The following CDH3 variants were observed in gnomAD, a reference collection of about 807,000 sequenced individuals.
CDH3 encodes the protein cadherin-3.
A neutral mutation model predicts 82.0 loss-of-function variants in CDH3; 54 were observed. That is an observed-to-expected ratio of 0.66 (90% CI 0.53 to 0.83). The LOEUF is 0.83. Among genes scored for constraint, CDH3 ranks in the 40% least tolerant of loss-of-function variants. The pLI, the probability that CDH3 is intolerant of heterozygous loss-of-function variation, is 0.00. For synonymous variants in CDH3, 446 were observed against 437.9 expected, an observed-to-expected ratio of 1.02 and a Z score of -0.23; for missense variants, 1,054 against 1,084.6, an observed-to-expected ratio of 0.97 and a Z score of 0.40.
rs1271593054 is a variant in CDH3, at chr16:68,699,035, C to T, written c.*635C>T. On this transcript the variant is annotated 3_prime_UTR_variant, in exon 16 of 16. Coordinates refer to ENST00000264012, the MANE Select transcript of CDH3 (RefSeq NM_001793.6). ...AACTTTTTTATTAAAGAAACTTTTCCCAGAGGTGCCTGGGGAGTGAACTGT... is the reference window on the plus strand; with the variant it reads ...AACTTTTTTATTAAAGAAACTTTTCTCAGAGGTGCCTGGGGAGTGAACTGT... 6.6e-6 allele frequency: 1 copy of T among 152,326 alleles called. No individual in the cohort carries two copies. The highest frequency in any genetic ancestry group is 1.5e-5 in the Non-Finnish European group (1 of 68,112). 9.4% of individuals were successfully genotyped at this position (152,326 alleles called of 1,614,324 possible). A position where few individuals can be genotyped will look rare whatever the true frequency, so the allele number is the denominator to read the frequency against.
chr16:68,662,060 G>C (rs929980182), intron 2 of CDH3, among the ~76,000 whole-genome samples: 1 of 152,188 alleles, frequency 6.6e-6, no homozygotes, highest in African/African-American at 2.4e-5. Context: ...AAGCCAGAAG[G>C]GTTTTTCACT....
In CDH3 at chr16:68,685,299, C is replaced by T. The variant is rs1961376390; in HGVS notation, c.1519C>T (p.Gln507Ter). Reference protein sequence around the residue: ...AVGTLDREDEQFVRNNIYEVM... With the variant: ...AVGTLDREDE The stretch of plus-strand genomic sequence containing the variant: ...GGGCACCCTCGACCGTGAGGATGAG[C>T]AGTTTGTGAGGAACAACATCTATGA... The change falls in exon 11 of 16, where the codon CAG becomes TAG. Residue 507 changes from glutamine (Q) to a stop codon, truncating the protein, a stop_gained. Coordinates refer to ENST00000264012, the MANE Select transcript of CDH3 (RefSeq NM_001793.6). LOFTEE classifies it high-confidence loss of function. The T allele has an allele frequency of 1.9e-6, 3 of 1,614,136 alleles. No homozygotes were observed. The highest frequency in any genetic ancestry group is 2.2e-5 in the South Asian group (2 of 91,080).
In CDH3 at chr16:68,698,449, T is replaced by G; in HGVS notation, c.*49T>G. The G allele has an allele frequency of 6.5e-7, 1 of 1,546,556 alleles. No homozygotes were observed. Among genetic ancestry groups the G allele is most frequent in the Non-Finnish European group, 8.9e-7 (1 of 1,120,142 alleles). ...ACCAAACGTCAGGCCACAGAGCATC[T>G]CCAAGGGGTCTCAGTTCCCCCTTCA... On this transcript the variant is annotated 3_prime_UTR_variant, in exon 16 of 16. Transcript: ENST00000264012.
intron 2 of CDH3, among the ~76,000 whole-genome samples, chr16:68,665,432 C>G (rs1409242207): frequency 6.6e-6 from 1 of 152,026 alleles, no homozygotes; most frequent in African/African-American, 2.4e-5. Flanking sequence ...ATATAAAGCA[C>G]AACACATCAT....
rs1420432341 is a variant in CDH3 at position 68,707,499 on chromosome 16, C to T, written c.99+11576C>T. On this transcript the variant is annotated intron_variant, in intron 1 of 2. Coordinates refer to the CDH3 transcript ENST00000569080. The surrounding 1 kb of genome is among the most constrained non-coding windows in gnomAD (Gnocchi z 4.5). ...TGTGGGCAGCTGCAGAGCTGGCAGG[C>T]GGGAGCTAGGAGATTCCTCTCTCGG... 2.0e-5 allele frequency among the ~76,000 whole-genome samples: 3 copies of T among 152,034 alleles called. No individual in the cohort carries two copies. In the East Asian group the frequency reaches 5.8e-4, roughly 29 times the overall value.
intron 2 of CDH3, among the ~76,000 whole-genome samples, chr16:68,672,527 G>C (rs1960914782): frequency 6.6e-6 from 1 of 152,172 alleles, no homozygotes; most frequent in Non-Finnish European, 1.5e-5. Flanking sequence ...GAGGACAGAA[G>C]ATGAGTCTAC....
rs1290586118 is a variant in CDH3 at position 68,699,111 on chromosome 16, C to T, written c.*711C>T. 1 of 152,294 alleles carries T rather than the reference C, an allele frequency of 6.6e-6. No individual in the cohort carries two copies. The highest frequency in any genetic ancestry group is 1.5e-5 in the Non-Finnish European group (1 of 68,052). The allele number at this position is 152,294 out of a possible 1,614,324, so 9.4% of individuals were successfully genotyped here. On this transcript the variant is annotated 3_prime_UTR_variant, in exon 16 of 16. Transcript: ENST00000264012. ...TCTAACTCACATACCATACCATTCA[C>T]TTGTTTAACGTTTACAATTCAATGG...
Position 68,698,748 on chromosome 16 carries a change from A to C in CDH3, c.*348A>C. On this transcript the variant is annotated 3_prime_UTR_variant, in exon 16 of 16. Coordinates refer to ENST00000264012, the MANE Select transcript of CDH3 (RefSeq NM_001793.6). ...CAGTGGACTTTCTCTCTGGAATGGA[A>C]CCTTCTTAGGCCTCCTGGTGCAACT... 1 of 272,210 alleles carries C rather than the reference A, an allele frequency of 3.7e-6. No individual in the cohort carries two copies. The highest frequency in any genetic ancestry group is 7.3e-5 in the South Asian group (1 of 13,654). The allele number at this position is 272,210 out of a possible 1,614,324, so 16.9% of individuals were successfully genotyped here. A position where few individuals can be genotyped will look rare whatever the true frequency, so the allele number is the denominator to read the frequency against.
intron 2 of CDH3, chr16:68,651,509 C>T (rs1960246955): frequency 2.0e-6 from 1 of 496,332 alleles, no homozygotes; most frequent in Non-Finnish European, 4.0e-6. Context: ...TTTGCTCCTG[C>T]TTCTTTGAGT....
chr16:68,662,114 G>A (rs1484681466), intron 2 of CDH3, among the ~76,000 whole-genome samples: 1 of 152,180 alleles, frequency 6.6e-6, no homozygotes, highest in Non-Finnish European at 1.5e-5. Flanking sequence ...AAATTTCCCT[G>A]AAAAAGTAAC....
intron 11 of CDH3, among the ~76,000 whole-genome samples, 155 bp from the exon 12 acceptor site, chr16:68,687,357 A>C (rs1218050894): frequency 1.3e-5 from 2 of 152,166 alleles, no homozygotes; most frequent in African/African-American, 4.8e-5. Context: ...GACAGAAATG[A>C]GAATGATGGC....
At position 68,695,768 on chromosome 16, in the gene CDH3, T is replaced by A; in HGVS notation, c.2134-9T>A. 1 of 1,613,932 alleles carries A rather than the reference T, an allele frequency of 6.2e-7. No individual in the cohort carries two copies. Among genetic ancestry groups the A allele is most frequent in the South Asian group, 1.1e-5 (1 of 91,070 alleles). ...CCTCAGTCACCTGCTCTCCTGCATT[T>A]CCCCACAGGACTATGACATCACCCA... On this transcript the variant is annotated splice_polypyrimidine_tract_variant and intron_variant, in intron 14 of 15. Coordinates refer to ENST00000264012, the MANE Select transcript of CDH3 (RefSeq NM_001793.6).
chr16:68,661,597 CCTA>C (rs755168070), intron 2 of CDH3, among the ~76,000 whole-genome samples: 9 of 152,192 alleles, frequency 5.9e-5, no homozygotes, highest in Non-Finnish European at 8.8e-5. Context: ...TTATCAAACA[CCTA>C]CTTTGTACTG....
chr16:68,648,919 A>G (rs1960160161), intron 2 of CDH3, among the ~76,000 whole-genome samples: 1 of 150,976 alleles, frequency 6.6e-6, no homozygotes, highest in Non-Finnish European at 1.5e-5. Context: ...ATGTAGAGGA[A>G]ACTGGTTTGG....
Position 68,707,592 on chromosome 16 carries a change from A to C in CDH3, c.99+11669A>C, listed in dbSNP as rs901706663. The stretch of plus-strand genomic sequence containing the variant: ...GGCGGTGGCTAAGACAGCAGCCCCT[A>C]AAGGCTGCAGATGTGGGAGTGACTC... On this transcript the variant is annotated intron_variant, in intron 1 of 2. Coordinates refer to the CDH3 transcript ENST00000569080. The surrounding 1 kb of genome is among the most constrained non-coding windows in gnomAD (Gnocchi z 4.5). Among the ~76,000 whole-genome samples, 2 of 152,112 alleles carry C rather than the reference A, an allele frequency of 1.3e-5. No homozygotes were observed. The highest frequency in any genetic ancestry group is 4.8e-5 in the African/African-American group (2 of 41,420).
Position 68,680,998 on chromosome 16 carries a change from G to T in CDH3, c.898G>T (p.Ala300Ser). Residue 300 changes from alanine to serine, a missense_variant, in exon 8 of 16, where the codon GCC (alanine) becomes TCC (serine). Physicochemically the swap from Ala to Ser is moderately conservative, Grantham distance 99. Transcript: ENST00000264012. ...KVPEYTLTIQ[A>S]TDMDGDGSTT... Reference sequence around the variant, plus strand: ...CCCTGAGTACACACTGACCATCCAGGCCACAGACATGGATGGGGACGGCTC... The same window carrying T: ...CCCTGAGTACACACTGACCATCCAGTCCACAGACATGGATGGGGACGGCTC... The T allele has an allele frequency of 6.2e-7, 1 of 1,614,066 alleles. No homozygotes were observed. Among genetic ancestry groups the T allele is most frequent in the Non-Finnish European group, 8.5e-7 (1 of 1,180,008 alleles).
chr16:68,713,642 T>G (rs1366051484), intron 1 of CDH3, among the ~76,000 whole-genome samples: 1 of 152,096 alleles, frequency 6.6e-6, no homozygotes, highest in African/African-American at 2.4e-5. Context: ...CTTCTCTGCT[T>G]AAACACTTCC....
rs199986517 is a variant in CDH3 at position 68,682,426 on chromosome 16, G to C, written c.1121G>C (p.Gly374Ala). The change falls in exon 9 of 16, where the codon GGG becomes GCG. Residue 374 changes from glycine (G) to alanine (A), a missense_variant. By Grantham distance (60) the Gly-to-Ala change is moderately conservative (BLOSUM62 0). Coordinates refer to ENST00000264012, the MANE Select transcript of CDH3 (RefSeq NM_001793.6). ...TACCTTATCATGGGCGGTGACGACGGGGACCATTTTACCATCACCACCCAC... is the reference window on the plus strand; with the variant it reads ...TACCTTATCATGGGCGGTGACGACGCGGACCATTTTACCATCACCACCCAC... ...ATYLIMGGDD[G>A]DHFTITTHPE... 14 of 1,614,088 alleles carry C rather than the reference G, an allele frequency of 8.7e-6. No homozygotes were observed. In the Admixed American group the frequency reaches 1.5e-4, roughly 17 times the overall value.
chr16:68,679,885 C>T lies in CDH3; in HGVS notation c.778C>T (p.Gln260Ter). The T allele has an allele frequency of 6.2e-7, 1 of 1,613,932 alleles. No individual in the cohort carries two copies. The highest frequency in any genetic ancestry group is 8.5e-7 in the Non-Finnish European group (1 of 1,179,852). The change falls in exon 7 of 16, where the codon CAA (glutamine) becomes TAA (stop). Residue 260 changes from glutamine to a stop codon, truncating the protein, a stop_gained. Coordinates refer to ENST00000264012, the MANE Select transcript of CDH3 (RefSeq NM_001793.6). LOFTEE classifies it high-confidence loss of function. Reference protein sequence around the residue: ...NGVVAYSIHSQEPKDPHDLMF... With the variant: ...NGVVAYSIHS ...GGTGGTTGCTTACTCCATCCATAGC[C>T]AAGAACCAAAGGACCCACACGACCT... is the stretch of plus-strand genomic sequence containing the variant.
Sources: gnomAD v4.1 joint callset for allele counts (sites outside exome capture counted in the v4.1 genomes callset) on GRCh38, gnomAD v4.1.1 for gene constraint, Gnocchi (gnomAD v3.1) non-coding constraint, MANE v1.5 for transcripts, NCBI Gene and HGNC (gene_info 2026-07-23, HGNC 2026-07-21) for gene names.